CHL1: variants seen among roughly 807,000 people sequenced by gnomAD.
The protein encoded by CHL1 is cell adhesion molecule L1 like.
Under a neutral mutation model 141.9 loss-of-function variants are expected in CHL1, and 96 were observed. The observed-to-expected ratio is 0.68, with a 90% CI of 0.57 to 0.80. The LOEUF is 0.80. Ranked by LOEUF, CHL1 falls within the 30% of genes least tolerant of loss-of-function variation. The pLI is 0.00. For synonymous variants in CHL1, 613 were observed against 502.2 expected, an observed-to-expected ratio of 1.22 and a Z score of -2.95; for missense variants, 1,820 against 1,457.2, an observed-to-expected ratio of 1.25 and a Z score of -4.05.
intron 2 of CHL1, among the ~76,000 whole-genome samples, chr3:318,750 G>A (rs940408391): frequency 6.6e-6 from 1 of 150,836 alleles, no homozygotes; most frequent in African/African-American, 2.4e-5. Context: ...TATCTTGCTG[G>A]AACTATCCAT....
chr3:263,445 C>T (rs1694903737), intron 2 of CHL1, among the ~76,000 whole-genome samples: 1 of 152,070 alleles, frequency 6.6e-6, no homozygotes. Flanking sequence ...TGACACGTTT[C>T]TTATTTGTCA....
intron 1 of CHL1, among the ~76,000 whole-genome samples, chr3:224,479 T>C (rs1047056871): frequency 2.0e-5 from 3 of 152,136 alleles, no homozygotes; most frequent in African/African-American, 4.8e-5. Flanking sequence ...CCTCGTGATA[T>C]AGAGTGAGTA....
intron 2 of CHL1, among the ~76,000 whole-genome samples, chr3:252,778 T>A (rs903000111): frequency 5.5e-4 from 84 of 152,130 alleles, no homozygotes; most frequent in African/African-American, 2.0e-3. Context: ...AATGGTATTT[T>A]ATTTTCATTT....
At chr3:342,350 AAT>A (rs1702407532) in intron 7 of CHL1, among the ~76,000 whole-genome samples, 1 of 152,216 alleles carries the variant, frequency 6.6e-6, no homozygotes, top group Non-Finnish European at 1.5e-5. Context: ...CAGTGGATGA[AAT>A]ATACAATGAA....
intron 19 of CHL1, among the ~76,000 whole-genome samples, chr3:387,230 G>C (rs1707816936): frequency 6.6e-6 from 1 of 152,096 alleles, no homozygotes; most frequent in Non-Finnish European, 1.5e-5. Flanking sequence ...ATCCTCTAAA[G>C]GATACACATG....
chr3:298,506 C>G (rs1368260305), intron 2 of CHL1, among the ~76,000 whole-genome samples: 2 of 152,158 alleles, frequency 1.3e-5, no homozygotes, highest in African/African-American at 4.8e-5. Context: ...TATTCAGATA[C>G]TTGCATAGCT....
chr3:288,683 AATGGC>A (rs1697390315), intron 2 of CHL1, among the ~76,000 whole-genome samples: 1 of 152,184 alleles, frequency 6.6e-6, no homozygotes, highest in South Asian at 2.1e-4. Flanking sequence ...TTTTCTGACG[AATGGC>A]ATGGGCGGGA....
chr3:302,115 T>C (rs1698803895), intron 2 of CHL1, among the ~76,000 whole-genome samples: 1 of 152,238 alleles, frequency 6.6e-6, no homozygotes, highest in Non-Finnish European at 1.5e-5. Context: ...CCATGGTGTA[T>C]ATGTGCCACA....
chr3:232,203 T>A (rs1414498958), intron 1 of CHL1, among the ~76,000 whole-genome samples: 1 of 152,204 alleles, frequency 6.6e-6, no homozygotes, highest in Non-Finnish European at 1.5e-5. Flanking sequence ...TCATTCTGTG[T>A]ATTGGCATGT....
At chr3:223,310 C>T (rs1574756190) in intron 1 of CHL1, among the ~76,000 whole-genome samples, 1 of 152,198 alleles carries the variant, frequency 6.6e-6, no homozygotes, top group Middle Eastern at 3.4e-3. Flanking sequence ...TACAAATTTG[C>T]ACTATGAAGT....
chr3:271,179 G>A (rs1445345853), intron 2 of CHL1, among the ~76,000 whole-genome samples: 4 of 152,140 alleles, frequency 2.6e-5, no homozygotes, highest in African/African-American at 9.7e-5. Flanking sequence ...TTGTGGGGAG[G>A]GGGAAGGAAA....
intron 2 of CHL1, among the ~76,000 whole-genome samples, 166 bp from the exon 3 acceptor site, chr3:319,517 A>G (rs1314441502): frequency 1.3e-5 from 2 of 151,604 alleles, no homozygotes; most frequent in Non-Finnish European, 2.9e-5. Flanking sequence ...TTTACATACA[A>G]AGAGGAAAAA....
intron 19 of CHL1, among the ~76,000 whole-genome samples, chr3:385,336 A>G (rs1165317333): frequency 6.6e-6 from 1 of 152,172 alleles, no homozygotes; most frequent in East Asian, 1.9e-4. Flanking sequence ...TGTCAGTCTT[A>G]TATGTCATAA....
At chr3:239,717 C>A (rs1231022996) in intron 1 of CHL1, among the ~76,000 whole-genome samples, 1 of 151,886 alleles carries the variant, frequency 6.6e-6, no homozygotes, top group Non-Finnish European at 1.5e-5. Flanking sequence ...AAGCAGTATA[C>A]AATGAACCCA....
At chr3:256,737 G>T (rs1030384789) in intron 2 of CHL1, among the ~76,000 whole-genome samples, 2 of 152,172 alleles carry the variant, frequency 1.3e-5, no homozygotes, top group Non-Finnish European at 2.9e-5. Flanking sequence ...TGGGAACGAG[G>T]GGAGGATTCA....
At chr3:334,200 ATTAT>A (rs1488175418) in intron 5 of CHL1, among the ~76,000 whole-genome samples, 2 of 152,058 alleles carry the variant, frequency 1.3e-5, no homozygotes, top group African/African-American at 4.8e-5. Flanking sequence ...GTTTTTATAC[ATTAT>A]TTATTTATTT....
At chr3:309,150 A>G (rs150371827) in intron 2 of CHL1, 2,268 of 152,720 alleles carry the variant, frequency 0.015, 60 homozygotes, top group African/African-American at 0.052. Context: ...GTCCAGCCTC[A>G]GAGCCCAGTA....
chr3:349,418 C>A lies in CHL1; in HGVS notation c.908C>A (p.Thr303Lys), dbSNP rs1279409751. ...GGTGACTTACCAAAGGGGAGAGAAACAAAAGAAAATTATGGCAAGACTTTG... is the reference window on the plus strand; with the variant it reads ...GGTGACTTACCAAAGGGGAGAGAAAAAAAAGAAAATTATGGCAAGACTTTG... ...IGGDLPKGRE[T>K]KENYGKTLKI... is the part of the protein sequence containing the mutation. The change falls in exon 10 of 28, where the codon ACA (threonine) becomes AAA (lysine). Residue 303 changes from threonine (T) to lysine (K), a missense_variant. Physicochemically the swap from Thr to Lys is moderately conservative, Grantham distance 78. Coordinates refer to ENST00000256509, the MANE Select transcript of CHL1 (RefSeq NM_006614.4). 1 of 1,613,830 alleles carries A rather than the reference C, an allele frequency of 6.2e-7. No individual in the cohort carries two copies. Among genetic ancestry groups the A allele is most frequent in the Non-Finnish European group, 8.5e-7 (1 of 1,179,782 alleles).
At chr3:363,088 C>T (rs4684390) in intron 13 of CHL1, 129 bp from the exon 14 acceptor site, 669,522 of 693,082 alleles carry the variant, frequency 0.97, 327,029 homozygotes, top group East Asian at 1. Context: ...ATGAAACCCA[C>T]TGGAACATTT....
Sources: allele counts gnomAD v4.1 joint callset (sites outside exome capture counted in the v4.1 genomes callset), GRCh38; gene constraint gnomAD v4.1.1; transcripts MANE v1.5; gene names NCBI Gene and HGNC (gene_info 2026-07-23, HGNC 2026-07-21).